Variants in ZSCAN5A observed in about 807,000 individuals in gnomAD.
ZSCAN5A encodes zinc finger and SCAN domain-containing protein 5A.
Under a neutral mutation model 23.7 loss-of-function variants are expected in ZSCAN5A, and 12 were observed. The observed-to-expected ratio is 0.51, with a 90% CI of 0.32 to 0.82. The LOEUF is 0.82. Ranked by LOEUF, ZSCAN5A falls within the 40% of genes least tolerant of loss-of-function variation. The pLI is 0.03. For missense variants in ZSCAN5A, 597 were observed against 617.9 expected (o/e 0.97, Z 0.36); for synonymous variants, 257 against 239.9 (o/e 1.07, Z -0.66).
chr19:56,336,506 T>A (rs1427572729), intron 2 of ZSCAN5A, among the ~76,000 whole-genome samples: 2 of 152,102 alleles, frequency 1.3e-5, no homozygotes, highest in African/African-American at 4.8e-5. Flanking sequence ...TCAAAGCTTT[T>A]AACTTCTTTG....
At chr19:56,343,508 C>G in intron 2 of ZSCAN5A, 1 of 418,100 alleles carries the variant, frequency 2.4e-6, no homozygotes, top group Non-Finnish European at 4.7e-6. Flanking sequence ...TACCAAATGC[C>G]AGAAGCTGCT....
At chr19:56,300,917 C>T (rs184937584) in intron 2 of ZSCAN5A, among the ~76,000 whole-genome samples, 1 of 152,162 alleles carries the variant, frequency 6.6e-6, no homozygotes, top group Admixed American at 6.5e-5. Context: ...CATAAGAAAG[C>T]GACACGGTCG....
At chr19:56,358,853 A>G (rs2041714600) in intron 2 of ZSCAN5A, among the ~76,000 whole-genome samples, 2 of 152,264 alleles carry the variant, frequency 1.3e-5, no homozygotes, top group African/African-American at 4.8e-5. Flanking sequence ...TGAGGCAGAA[A>G]CCAAGAAATT....
intron 2 of ZSCAN5A, chr19:56,296,282 G>GGGCGAGCC (rs1165045656): frequency 1.3e-5 from 2 of 152,460 alleles, no homozygotes; most frequent in Admixed American, 1.3e-4. Context: ...TGGTCTGGAA[G>GGGCGAGCC]TGTTTATCAT....
rs372208190 is a variant in ZSCAN5A, at chr19:56,262,225, G to C, written c.-127-37052C>G. Among the ~76,000 whole-genome samples, 482 of 152,056 alleles carry C rather than the reference G, an allele frequency of 3.2e-3. 4 individuals are homozygous for C. The highest frequency in any genetic ancestry group is 0.011 in the African/African-American group (468 of 41,452). On this transcript the variant is annotated intron_variant, in intron 2 of 5. Transcript: ENST00000683990. Reference sequence around the variant, plus strand: ...GTAGAGACAAGGTTTCACCATGTTGGCCAGGTTGGTCTGGAACTCCTGGCC... The same window carrying C: ...GTAGAGACAAGGTTTCACCATGTTGCCCAGGTTGGTCTGGAACTCCTGGCC...
At chr19:56,239,324 C>G (rs949746052) in intron 2 of ZSCAN5A, among the ~76,000 whole-genome samples, 2 of 152,210 alleles carry the variant, frequency 1.3e-5, no homozygotes, top group Admixed American at 1.3e-4. Context: ...GCGGATGCTG[C>G]GAACTTCCCA....
At chr19:56,334,540 T>G (rs963868019) in intron 2 of ZSCAN5A, among the ~76,000 whole-genome samples, 9 of 152,230 alleles carry the variant, frequency 5.9e-5, no homozygotes, top group African/African-American at 2.2e-4. Context: ...AAGCATGCAA[T>G]GCATAATAAT....
intron 2 of ZSCAN5A, chr19:56,274,535 G>A (rs769183630): frequency 1.3e-5 from 2 of 151,616 alleles, no homozygotes; most frequent in Non-Finnish European, 2.9e-5. Context: ...TTTTAGACTT[G>A]AGGAAAAGTC....
At position 56,230,292 on chromosome 19, in the gene ZSCAN5A, C is replaced by T. The variant is rs563292842; in HGVS notation, c.-127-5119G>A. On this transcript the variant is annotated intron_variant, in intron 2 of 5. Coordinates refer to ENST00000683990, the MANE Select transcript of ZSCAN5A (RefSeq NM_001322064.3). ...ATAGAAATGGGGTTTTACCATCTTG[C>T]CCAGGCTGGTCTTGAACTCCTGACC... Among the ~76,000 whole-genome samples the T allele has an allele frequency of 1.2e-4, 19 of 152,148 alleles. No homozygotes were observed. In the East Asian group the frequency reaches 2.7e-3, roughly 22 times the overall value.
intron 2 of ZSCAN5A, among the ~76,000 whole-genome samples, chr19:56,249,533 A>G (rs896421645): frequency 6.6e-6 from 1 of 152,238 alleles, no homozygotes; most frequent in South Asian, 2.1e-4. Flanking sequence ...CAGCCTCCCA[A>G]TGTGCTGGGA....
chr19:56,319,043 C>A (rs749424173), upstream of ZSCAN5A, among the ~76,000 whole-genome samples: 12 of 152,150 alleles, frequency 7.9e-5, no homozygotes, highest in Non-Finnish European at 1.6e-4. Context: ...AAGGCAATCC[C>A]TGCATACCCA....
chr19:56,325,445 A>T (rs1273341658), intron 2 of ZSCAN5A, among the ~76,000 whole-genome samples: 3 of 152,194 alleles, frequency 2.0e-5, no homozygotes, highest in Admixed American at 1.3e-4. Context: ...AGTTGTATCT[A>T]CTGGGAGAGG....
At chr19:56,222,495 G>A (rs909075790) in intron 5 of ZSCAN5A, 96 bp downstream of exon 5, 21 of 1,557,542 alleles carry the variant, frequency 1.3e-5, no homozygotes, top group Non-Finnish European at 1.8e-5. Context: ...TGACAGCTGA[G>A]TGCCAACTCC....
At chr19:56,245,889 G>A (rs578218153) in intron 2 of ZSCAN5A, among the ~76,000 whole-genome samples, 16 of 152,238 alleles carry the variant, frequency 1.1e-4, no homozygotes, top group South Asian at 4.1e-4. Flanking sequence ...GTGGGGTGTT[G>A]ATAGCATCTA....
In ZSCAN5A at chr19:56,233,924, A is replaced by G. The variant is rs1555793671; in HGVS notation, c.-127-8751T>C. Among the ~76,000 whole-genome samples the G allele has an allele frequency of 2.6e-5, 4 of 152,258 alleles. No homozygotes were observed. The South Asian group carries it at 8.3e-4, about 32-fold the overall frequency. Reference sequence around the variant, plus strand: ...GGCAGAAAAGGAACCCGGGCCAGGCACCGTGAGCACGCACAGTAACTCACG... The same window carrying G: ...GGCAGAAAAGGAACCCGGGCCAGGCGCCGTGAGCACGCACAGTAACTCACG... On this transcript the variant is annotated intron_variant, in intron 2 of 5. Transcript: ENST00000683990.
At chr19:56,275,966 C>A (rs1364502823) in intron 2 of ZSCAN5A, among the ~76,000 whole-genome samples, 1 of 152,196 alleles carries the variant, frequency 6.6e-6, no homozygotes, top group East Asian at 1.9e-4. Flanking sequence ...AGTGGGTCAG[C>A]TGATCTCCAG....
chr19:56,231,430 C>T (rs1011972726), intron 2 of ZSCAN5A, among the ~76,000 whole-genome samples: 24 of 152,224 alleles, frequency 1.6e-4, no homozygotes, highest in East Asian at 5.8e-4. Flanking sequence ...TCTAAGAATG[C>T]GTGACCAACC....
rs1389854639 is a variant in ZSCAN5A at position 56,356,570 on chromosome 19, G to A, written c.-358+6665C>T. ...TCTACTACGGGGTGGGGACGGGGGC[G>A]CTACCTTATAACTAAGCCCTGAGGG... On this transcript the variant is annotated intron_variant, in intron 2 of 6. Coordinates refer to the ZSCAN5A transcript ENST00000587340. 1.4e-5 allele frequency among the ~76,000 whole-genome samples: 2 copies of A among 147,950 alleles called. 1 individual carries two copies. The highest frequency in any genetic ancestry group is 3.0e-5 in the Non-Finnish European group (2 of 67,136).
chr19:56,305,239 G>A (rs1383207865), intron 2 of ZSCAN5A, among the ~76,000 whole-genome samples: 1 of 150,806 alleles, frequency 6.6e-6, no homozygotes, highest in Non-Finnish European at 1.5e-5. Context: ...TCTGTACCAA[G>A]ACATCGTCTC....
Sources: gnomAD v4.1 joint callset for allele counts (sites outside exome capture counted in the v4.1 genomes callset) on GRCh38, gnomAD v4.1.1 for gene constraint, MANE v1.5 for transcripts, NCBI Gene and HGNC (gene_info 2026-07-23, HGNC 2026-07-21) for gene names.